SOX5: variants seen among roughly 807,000 people sequenced by gnomAD.
SOX5 encodes the protein SRY-box transcription factor 5.
A neutral mutation model predicts 92.0 loss-of-function variants in SOX5; 9 were observed. That is an observed-to-expected ratio of 0.10 (90% CI 0.06 to 0.17). SOX5 has a LOEUF of 0.17. SOX5 is among the 10% of genes least tolerant of loss of function. The pLI is 1.00. For synonymous variants in SOX5, 344 were observed against 336.3 expected (o/e 1.02, Z -0.25); for missense variants, 642 against 944.5 (o/e 0.68, Z 4.20).
chr12:23,893,794 C>A (rs1173023831), intron 2 of SOX5, among the ~76,000 whole-genome samples: 4 of 152,188 alleles, frequency 2.6e-5, no homozygotes, highest in African/African-American at 9.7e-5. Context: ...CTGTGTACTA[C>A]CCATTGTCTC....
At chr12:23,544,355 G>C (rs1487950827) in intron 12 of SOX5, among the ~76,000 whole-genome samples, 1 of 152,188 alleles carries the variant, frequency 6.6e-6, no homozygotes, top group Non-Finnish European at 1.5e-5. Context: ...AACTCTGACA[G>C]TAGGTTTTCA....
chr12:23,910,123 T>G (rs1418707777), intron 1 of SOX5, among the ~76,000 whole-genome samples: 1 of 152,140 alleles, frequency 6.6e-6, no homozygotes, highest in Non-Finnish European at 1.5e-5. Context: ...TATCAACAAC[T>G]TTTGATTTCA....
intron 4 of SOX5, among the ~76,000 whole-genome samples, chr12:23,998,735 A>T (rs1353760792): frequency 7.7e-6 from 1 of 130,520 alleles, no homozygotes; most frequent in Non-Finnish European, 1.6e-5. Context: ...TCGGAGGCGG[A>T]GGTTGCAATG....
intron 8 of SOX5, among the ~76,000 whole-genome samples, chr12:23,632,503 T>C (rs2078676133): frequency 6.6e-6 from 1 of 152,118 alleles, no homozygotes; most frequent in Non-Finnish European, 1.5e-5. Flanking sequence ...ACTTCCTTAT[T>C]GATTTTCTGG....
chr12:23,972,000 G>A (rs1948396642), intron 4 of SOX5, among the ~76,000 whole-genome samples: 1 of 152,074 alleles, frequency 6.6e-6, no homozygotes, highest in Non-Finnish European at 1.5e-5. Flanking sequence ...AATTTTTACT[G>A]TAGTATCCAT....
At chr12:24,113,255 T>TAAAAAAA (rs10717747) in intron 4 of SOX5, among the ~76,000 whole-genome samples, 2 of 118,186 alleles carry the variant, frequency 1.7e-5, no homozygotes, top group Non-Finnish European at 1.7e-5. Flanking sequence ...TGTAGAATCA[T>TAAAAAAA]AAAAAAAAAA....
intron 1 of SOX5, among the ~76,000 whole-genome samples, chr12:24,404,777 C>T (rs890246128): frequency 2.6e-5 from 4 of 152,046 alleles, no homozygotes; most frequent in Non-Finnish European, 5.9e-5. Context: ...GGTTGCATTG[C>T]CCCTTCCCCC....
intron 4 of SOX5, among the ~76,000 whole-genome samples, chr12:24,098,348 A>C (rs1455314184): frequency 6.6e-6 from 1 of 152,110 alleles, no homozygotes; most frequent in Non-Finnish European, 1.5e-5. Context: ...TACTCTTATC[A>C]TAATTTTGCA....
At chr12:23,805,343 T>A (rs1190719766) in intron 3 of SOX5, among the ~76,000 whole-genome samples, 5 of 151,790 alleles carry the variant, frequency 3.3e-5, no homozygotes, top group Non-Finnish European at 5.9e-5. Context: ...TATATATGAA[T>A]AATAAATAAA....
At chr12:24,104,619 G>C (rs919906149) in intron 4 of SOX5, among the ~76,000 whole-genome samples, 7 of 152,180 alleles carry the variant, frequency 4.6e-5, no homozygotes, top group South Asian at 2.1e-4. Context: ...CAAAGTTCAT[G>C]ATGATGGCAA....
At position 24,146,631 on chromosome 12, in the gene SOX5, T is replaced by G. The variant is rs1294192984; in HGVS notation, c.-2+66712A>C. ...AAGAAACAAAGAAAAGTAAATTCAA[T>G]GAAACAAAAAATTAAAAAATCAATA... On this transcript the variant is annotated intron_variant, in intron 4 of 4. Coordinates refer to the SOX5 transcript ENST00000446891. 3.4e-5 allele frequency among the ~76,000 whole-genome samples: 5 copies of G among 147,058 alleles called. No homozygotes were observed. The Admixed American group carries it at 3.4e-4, about 10-fold the overall frequency.
intron 6 of SOX5, among the ~76,000 whole-genome samples, chr12:23,702,867 A>T (rs138473539): frequency 9.1e-4 from 138 of 152,162 alleles, no homozygotes; most frequent in Middle Eastern, 3.4e-3. Context: ...ATCTTTTCTT[A>T]TCTAACAGAA....
intron 3 of SOX5, among the ~76,000 whole-genome samples, chr12:23,760,278 C>T (rs1295749787): frequency 1.3e-5 from 2 of 152,002 alleles, no homozygotes; most frequent in African/African-American, 2.4e-5. Flanking sequence ...ATGCTTTGCC[C>T]AACATCAGCT....
At chr12:23,998,313 G>A (rs1018905049) in intron 4 of SOX5, among the ~76,000 whole-genome samples, 2 of 152,002 alleles carry the variant, frequency 1.3e-5, no homozygotes, top group Non-Finnish European at 2.9e-5. Context: ...TTTTACTGGA[G>A]GGGCTCAACA....
upstream of SOX5, among the ~76,000 whole-genome samples, chr12:23,954,137 G>T (rs1021924386): frequency 1.3e-5 from 2 of 151,914 alleles, no homozygotes; most frequent in Non-Finnish European, 2.9e-5. Context: ...TTTTAGATCA[G>T]AATCATTAAG....
At chr12:23,646,829 T>G (rs1382548069) in intron 7 of SOX5, among the ~76,000 whole-genome samples, 1 of 152,220 alleles carries the variant, frequency 6.6e-6, no homozygotes, top group Non-Finnish European at 1.5e-5. Context: ...CTAGTTCTAC[T>G]GCTATTTCCA....
chr12:23,809,409 G>A (rs1218206156), intron 3 of SOX5, among the ~76,000 whole-genome samples: 3 of 151,854 alleles, frequency 2.0e-5, no homozygotes, highest in East Asian at 1.9e-4. Context: ...TTATAAATTA[G>A]TATAGAGCAT....
chr12:23,912,131 T>A (rs1704924424), intron 1 of SOX5, among the ~76,000 whole-genome samples: 1 of 151,952 alleles, frequency 6.6e-6, no homozygotes. Context: ...CTTATATACA[T>A]GGAATTATTG....
At chr12:24,535,534 C>G (rs1315473232) in intron 1 of SOX5, among the ~76,000 whole-genome samples, 1 of 152,146 alleles carries the variant, frequency 6.6e-6, no homozygotes, top group Non-Finnish European at 1.5e-5. Flanking sequence ...ACTTTGCTTG[C>G]TTTTCCAATT....
Sources: allele counts gnomAD v4.1 joint callset (sites outside exome capture counted in the v4.1 genomes callset), GRCh38; gene constraint gnomAD v4.1.1; transcripts MANE v1.5; gene names NCBI Gene and HGNC (gene_info 2026-07-23, HGNC 2026-07-21).